CDH10: variants seen among roughly 807,000 people sequenced by gnomAD.
The protein encoded by CDH10 is cadherin-10.
In CDH10, 30 loss-of-function variants were observed where a neutral mutation model predicts 73.1. The ratio of observed to expected loss-of-function variants is 0.41; its 90% CI spans 0.31 to 0.56. CDH10 has a LOEUF of 0.56. CDH10 is among the 20% of genes least tolerant of loss of function. The probability of loss-of-function intolerance (pLI) is 0.27; values close to 1 mark genes in which losing one functional copy is unlikely to be tolerated. For missense variants in CDH10, 815 were observed against 973.7 expected, an observed-to-expected ratio of 0.84 and a Z score of 2.17; for synonymous variants, 345 against 348.2, an observed-to-expected ratio of 0.99 and a Z score of 0.10.
At chr5:24,632,244 A>C (rs1021142897) in intron 1 of CDH10, among the ~76,000 whole-genome samples, 2 of 152,028 alleles carry the variant, frequency 1.3e-5, no homozygotes, top group Non-Finnish European at 2.9e-5. Flanking sequence ...TTCTGCAAAA[A>C]ACCTTTGCCC....
intron 5 of CDH10, among the ~76,000 whole-genome samples, chr5:24,529,201 G>C (rs1220591259): frequency 6.6e-6 from 1 of 151,938 alleles, no homozygotes; most frequent in Admixed American, 6.6e-5. Flanking sequence ...GATAAAGTCA[G>C]TAGCCCTACA....
chr5:24,514,649 G>T (rs1346489907), intron 5 of CDH10, among the ~76,000 whole-genome samples: 1 of 152,048 alleles, frequency 6.6e-6, no homozygotes, highest in African/African-American at 2.4e-5. Flanking sequence ...CTGCCCCAAT[G>T]AAAGCACTTA....
At chr5:24,537,831 T>C (rs1394081613) in intron 2 of CDH10, among the ~76,000 whole-genome samples, 157 bp from the exon 3 acceptor site, 8 of 152,106 alleles carry the variant, frequency 5.3e-5, no homozygotes, top group African/African-American at 1.9e-4. Flanking sequence ...CACACGCATT[T>C]ATACACTTTA....
chr5:24,635,129 C>G (rs1158321831), intron 1 of CDH10, among the ~76,000 whole-genome samples: 1 of 151,842 alleles, frequency 6.6e-6, no homozygotes, highest in Admixed American at 6.6e-5. Flanking sequence ...GGTTCTATGT[C>G]TTCATCAGAC....
At chr5:24,612,459 C>G (rs1018215031) in intron 1 of CDH10, 3 of 152,052 alleles carry the variant, frequency 2.0e-5, no homozygotes, top group Admixed American at 6.6e-5. Flanking sequence ...TGCATATTTA[C>G]GACTGTGAAT....
At chr5:24,514,542 T>C (rs970410367) in intron 5 of CDH10, among the ~76,000 whole-genome samples, 2 of 152,192 alleles carry the variant, frequency 1.3e-5, no homozygotes, top group African/African-American at 4.8e-5. Context: ...GCAAGAACTC[T>C]CTTTAAAAAA....
At chr5:24,606,461 A>T (rs902535733) in intron 1 of CDH10, among the ~76,000 whole-genome samples, 8 of 152,042 alleles carry the variant, frequency 5.3e-5, no homozygotes, top group Non-Finnish European at 1.2e-4. Context: ...AAATACAAAA[A>T]TTAGCCAGGC....
intron 2 of CDH10, among the ~76,000 whole-genome samples, chr5:24,578,949 CA>C (rs1330587386): frequency 2.6e-5 from 4 of 151,660 alleles, no homozygotes; most frequent in African/African-American, 9.7e-5. Flanking sequence ...AAATTTTAAA[CA>C]AGCAAATGGA....
At chr5:24,575,355 C>CAAAAAAAAAAAAAA (rs751333761) in intron 2 of CDH10, among the ~76,000 whole-genome samples, 6 of 123,838 alleles carry the variant, frequency 4.8e-5, no homozygotes, top group African/African-American at 1.7e-4. Flanking sequence ...ACAAAAACAA[C>CAAAAAAAAAAAAAA]AAAAAAAAAA....
chr5:24,570,795 CT>C (rs1188023472), intron 2 of CDH10, among the ~76,000 whole-genome samples: 3 of 151,738 alleles, frequency 2.0e-5, no homozygotes, highest in African/African-American at 4.8e-5. Context: ...ATCTAATTTG[CT>C]TTGGAAGCTT....
intron 9 of CDH10, among the ~76,000 whole-genome samples, chr5:24,496,076 T>A (rs1297194772): frequency 6.6e-6 from 1 of 152,142 alleles, no homozygotes; most frequent in African/African-American, 2.4e-5. Flanking sequence ...TTTCATATGT[T>A]TTAGCTTTTT....
intron 1 of CDH10, among the ~76,000 whole-genome samples, chr5:24,613,522 G>GGA (rs1554026014): frequency 1.6e-5 from 2 of 122,838 alleles, no homozygotes; most frequent in African/African-American, 3.1e-5. Context: ...TCTTTGCTGG[G>GGA]AAAAAAAAAA....
intron 2 of CDH10, among the ~76,000 whole-genome samples, chr5:24,563,628 T>G (rs1417426199): frequency 4.8e-5 from 6 of 124,004 alleles, no homozygotes; most frequent in African/African-American, 1.5e-4. Context: ...TTAGCCGGCG[T>G]GGTGGCCGGC....
intron 1 of CDH10, among the ~76,000 whole-genome samples, chr5:24,602,161 C>G (rs1203054962): frequency 6.6e-6 from 1 of 152,114 alleles, no homozygotes; most frequent in South Asian, 2.1e-4. Flanking sequence ...ATCACTACAA[C>G]AAAAATTCAC....
In CDH10 at chr5:24,495,559, AC is replaced by A. The variant is rs574171074; in HGVS notation, c.1516-2635del. 2.0e-5 allele frequency among the ~76,000 whole-genome samples: 3 copies of A among 151,956 alleles called. No individual in the cohort carries two copies. The South Asian group carries it at 6.3e-4, about 32-fold the overall frequency. The stretch of plus-strand genomic sequence containing the variant: ...CATTTCCTTTGTGCTAGTAAAATGC[AC>A]CCTTTTGGCCAGGCGCCGTGGCTCA... On this transcript the variant is annotated intron_variant, in intron 9 of 11. Transcript: ENST00000264463.
chr5:24,518,832 A>G (rs2111803053), intron 5 of CDH10, among the ~76,000 whole-genome samples: 1 of 150,374 alleles, frequency 6.7e-6, no homozygotes, highest in East Asian at 2.0e-4. Flanking sequence ...GTGAGATGGT[A>G]ATTTCTAAGT....
intron 5 of CDH10, among the ~76,000 whole-genome samples, chr5:24,515,947 C>T (rs537945116): frequency 1.3e-5 from 2 of 152,218 alleles, no homozygotes; most frequent in African/African-American, 4.8e-5. Context: ...TGTAAGATGT[C>T]CCTTGCTCTT....
At chr5:24,567,063 A>G (rs1579817988) in intron 2 of CDH10, among the ~76,000 whole-genome samples, 1 of 152,266 alleles carries the variant, frequency 6.6e-6, no homozygotes, top group East Asian at 1.9e-4. Context: ...ATATACAAAT[A>G]GCCATTAAGC....
chr5:24,581,677 G>A (rs192325879), intron 2 of CDH10, among the ~76,000 whole-genome samples: 1 of 152,222 alleles, frequency 6.6e-6, no homozygotes, highest in South Asian at 2.1e-4. Flanking sequence ...ACATCCTGAA[G>A]AAACTATTGG....
Sources: allele counts gnomAD v4.1 joint callset (sites outside exome capture counted in the v4.1 genomes callset), GRCh38; gene constraint gnomAD v4.1.1; transcripts MANE v1.5; gene names NCBI Gene and HGNC (gene_info 2026-07-23, HGNC 2026-07-21).